ANKRD17: variants seen among roughly 807,000 people sequenced by gnomAD.
The protein encoded by ANKRD17 is ankyrin repeat domain-containing protein 17.
In ANKRD17, 19 loss-of-function variants were observed where a neutral mutation model predicts 229.7. The observed-to-expected ratio is 0.08, with a 90% CI of 0.06 to 0.12. The LOEUF is 0.12. Ranked by LOEUF, ANKRD17 falls within the 10% of genes least tolerant of loss-of-function variation. The pLI is 1.00. For missense variants in ANKRD17, 2,176 were observed against 3,176.8 expected (o/e 0.68, Z 7.57); for synonymous variants, 1,112 against 1,146.1 (o/e 0.97, Z 0.60).
intron 14 of ANKRD17, among the ~76,000 whole-genome samples, chr4:73,140,638 A>G (rs745553954): frequency 6.6e-4 from 101 of 152,202 alleles, no homozygotes; most frequent in Admixed American, 2.4e-3. Flanking sequence ...AACTCATCAT[A>G]AGAACAGAAC....
At chr4:73,148,510 T>C (rs1730587492) in intron 8 of ANKRD17, among the ~76,000 whole-genome samples, 1 of 152,202 alleles carries the variant, frequency 6.6e-6, no homozygotes, top group Non-Finnish European at 1.5e-5. Context: ...TCTTGATCTA[T>C]TACCTTTAGA....
At chr4:73,192,793 T>C (rs2149072069) in intron 1 of ANKRD17, among the ~76,000 whole-genome samples, 1 of 152,284 alleles carries the variant, frequency 6.6e-6, no homozygotes, top group Non-Finnish European at 1.5e-5. Flanking sequence ...TCTTTTTAAA[T>C]GAAAGAAAAA....
rs144676548 is a variant in ANKRD17 at position 73,257,273 on chromosome 4, G to A, written c.393+1003C>T. Among the ~76,000 whole-genome samples, 323 of 152,316 alleles carry A rather than the reference G, an allele frequency of 2.1e-3. 1 individual carries two copies. The highest frequency in any genetic ancestry group is 7.3e-3 in the African/African-American group (304 of 41,572). On this transcript the variant is annotated intron_variant, in intron 1 of 33. Coordinates refer to ENST00000358602, the MANE Select transcript of ANKRD17 (RefSeq NM_032217.5). ...AACTAGTAAAGCTAACTCTCAGTTGGTTGTCAGTATGGTATGTTTTACTGA... is the reference window on the plus strand; with the variant it reads ...AACTAGTAAAGCTAACTCTCAGTTGATTGTCAGTATGGTATGTTTTACTGA...
At chr4:73,083,886 C>A (rs908944764) in intron 30 of ANKRD17, among the ~76,000 whole-genome samples, 1 of 147,768 alleles carries the variant, frequency 6.8e-6, no homozygotes, top group African/African-American at 2.5e-5. Flanking sequence ...ATTAGGTTAA[C>A]TGTTATTTAT....
At chr4:73,255,687 C>T (rs1280025066) in intron 1 of ANKRD17, among the ~76,000 whole-genome samples, 2 of 151,958 alleles carry the variant, frequency 1.3e-5, no homozygotes, top group East Asian at 3.9e-4. Flanking sequence ...TCCTTTTTGT[C>T]TGCTCATCCC....
chr4:73,240,976 T>A (rs1743975596), intron 1 of ANKRD17, among the ~76,000 whole-genome samples: 1 of 151,410 alleles, frequency 6.6e-6, no homozygotes. Flanking sequence ...ACCCAGCTAA[T>A]TTTTTTTGTA....
chr4:73,191,331 A>G (rs1398274847), intron 1 of ANKRD17, among the ~76,000 whole-genome samples: 1 of 101,578 alleles, frequency 9.8e-6, no homozygotes, highest in Non-Finnish European at 2.0e-5. Context: ...GCCCCTACCA[A>G]AAAATATATA....
At chr4:73,104,585 G>A (rs6817301) in intron 24 of ANKRD17, among the ~76,000 whole-genome samples, 152,313 of 152,314 alleles carry the variant, frequency 1, 76,156 homozygotes, top group Non-Finnish European at 1. Context: ...TATCTGTATC[G>A]TATCTGTATA....
At chr4:73,190,146 ATCACCTGAGG>A (rs1196870649) in intron 1 of ANKRD17, among the ~76,000 whole-genome samples, 1 of 152,168 alleles carries the variant, frequency 6.6e-6, no homozygotes, top group Admixed American at 6.5e-5. Context: ...AGGCTGGCAG[ATCACCTGAGG>A]TCAGGAGTTC....
At chr4:73,086,951 T>A in intron 29 of ANKRD17, among the ~76,000 whole-genome samples, 1 of 90,360 alleles carries the variant, frequency 1.1e-5, no homozygotes. Context: ...TATATATATA[T>A]ATCTGTAGGA....
At chr4:73,125,732 CAA>C (rs56986647) in intron 16 of ANKRD17, among the ~76,000 whole-genome samples, 5 of 68,130 alleles carry the variant, frequency 7.3e-5, no homozygotes, top group Admixed American at 3.0e-4. Flanking sequence ...GACTCCGTCT[CAA>C]AAAAAAAAAA....
chr4:73,123,086 A>C (rs1400392600), intron 18 of ANKRD17, among the ~76,000 whole-genome samples: 1 of 152,144 alleles, frequency 6.6e-6, no homozygotes, highest in African/African-American at 2.4e-5. Context: ...GTTATAACCT[A>C]ATCTGTTATA....
At chr4:73,102,779 AAC>A in intron 24 of ANKRD17, 1 of 465,372 alleles carries the variant, frequency 2.1e-6, no homozygotes, top group Non-Finnish European at 3.7e-6. Context: ...GTAAATAATA[AAC>A]AGATACATAG....
At chr4:73,256,149 G>A (rs2149293613) in intron 1 of ANKRD17, among the ~76,000 whole-genome samples, 1 of 152,252 alleles carries the variant, frequency 6.6e-6, no homozygotes, top group African/African-American at 2.4e-5. Flanking sequence ...TACCATAGTT[G>A]GTGAAAGTCA....
intron 1 of ANKRD17, among the ~76,000 whole-genome samples, chr4:73,224,326 T>TCA (rs1213625414): frequency 6.6e-6 from 1 of 152,204 alleles, no homozygotes; most frequent in Non-Finnish European, 1.5e-5. Flanking sequence ...TACTATCTCC[T>TCA]CAAAGTGATG....
intron 31 of ANKRD17, 43 bp from the exon 32 acceptor site, chr4:73,077,576 A>G (rs1367725473): frequency 6.9e-7 from 1 of 1,459,204 alleles, no homozygotes; most frequent in African/African-American, 1.4e-5. Context: ...GATAATATTT[A>G]AAATCAAAAT....
chr4:73,118,614 A>C, intron 22 of ANKRD17, 74 bp downstream of exon 22: 14 of 1,494,372 alleles, frequency 9.4e-6, no homozygotes, highest in Non-Finnish European at 1.2e-5. Context: ...ATGAGTCTTT[A>C]GTGATCACTA....
chr4:73,119,044 G>A (rs1487398489), intron 21 of ANKRD17, among the ~76,000 whole-genome samples, 194 bp from the exon 22 acceptor site: 22 of 151,684 alleles, frequency 1.5e-4, no homozygotes, highest in African/African-American at 4.4e-4. Flanking sequence ...ATGCCACCAC[G>A]CTCAGCTAAT....
Position 73,084,458 on chromosome 4 carries a change from T to C in ANKRD17, c.7159+791A>G. ...GTTGTTAATGCAGATGAGATTTTTT[T>C]TTTTTTTTGAGATGAAGTCTTGCTC... On this transcript the variant is annotated intron_variant, in intron 30 of 33. Transcript: ENST00000358602. 1.3e-5 allele frequency among the ~76,000 whole-genome samples: 2 copies of C among 151,704 alleles called. 1 individual carries two copies. The highest frequency in any genetic ancestry group is 2.9e-5 in the Non-Finnish European group (2 of 67,860).
Sources: gnomAD v4.1 joint callset for allele counts (sites outside exome capture counted in the v4.1 genomes callset) on GRCh38, gnomAD v4.1.1 for gene constraint, MANE v1.5 for transcripts, NCBI Gene and HGNC (gene_info 2026-07-23, HGNC 2026-07-21) for gene names.